LRRC7: variants seen among roughly 807,000 people sequenced by gnomAD.
The protein encoded by LRRC7 is leucine rich repeat containing 7.
LRRC7 carries 23 observed loss-of-function variants against 175.7 expected under a neutral mutation model. The ratio of observed to expected loss-of-function variants is 0.13; its 90% CI spans 0.09 to 0.19. The LOEUF (loss-of-function observed/expected upper bound fraction) is 0.19, where lower values mean the gene tolerates loss of function less well. LRRC7 is among the 10% of genes least tolerant of loss of function. The probability of loss-of-function intolerance (pLI) is 1.00; values close to 1 mark genes in which losing one functional copy is unlikely to be tolerated. For synonymous variants in LRRC7, 685 were observed against 680.9 expected, an observed-to-expected ratio of 1.01 and a Z score of -0.09; for missense variants, 1,354 against 1,904.7, an observed-to-expected ratio of 0.71 and a Z score of 5.38.
At chr1:69,605,117 G>A (rs1647315185) in intron 1 of LRRC7, among the ~76,000 whole-genome samples, 4 of 152,138 alleles carry the variant, frequency 2.6e-5, no homozygotes, top group Admixed American at 2.0e-4. Context: ...TGTCAGGGGA[G>A]AAATCTTGTG....
At chr1:69,648,020 CT>C (rs996880353) in intron 1 of LRRC7, among the ~76,000 whole-genome samples, 2 of 151,864 alleles carry the variant, frequency 1.3e-5, no homozygotes, top group Non-Finnish European at 2.9e-5. Context: ...TCTAGTAATC[CT>C]TTTTTTCAGA....
At chr1:70,022,998 A>G (rs951634098) in intron 16 of LRRC7, 128 bp from the exon 17 acceptor site, 4 of 1,193,550 alleles carry the variant, frequency 3.4e-6, no homozygotes, top group Non-Finnish European at 4.5e-6. Context: ...TTTAAAACTA[A>G]CTTTATGATC....
At chr1:69,630,914 C>T (rs1652388077) in intron 1 of LRRC7, among the ~76,000 whole-genome samples, 1 of 151,982 alleles carries the variant, frequency 6.6e-6, no homozygotes, top group African/African-American at 2.4e-5. Context: ...GTAAAAATTG[C>T]TTATATAGCC....
At position 70,104,818 on chromosome 1, in the gene LRRC7, A is replaced by T. The variant is rs549944773; in HGVS notation, c.4546-2934A>T. ...GTGTGGAGTGTTGCTAGTTCCTCCC[A>T]GCATTGCAGATATGATGACCTTAAT... is the stretch of plus-strand genomic sequence containing the variant. On this transcript the variant is annotated intron_variant, in intron 25 of 26. Transcript: ENST00000651989. Among the ~76,000 whole-genome samples, 7 of 152,284 alleles carry T rather than the reference A, an allele frequency of 4.6e-5. No individual in the cohort carries two copies. In the South Asian group the frequency reaches 1.4e-3, roughly 32 times the overall value.
chr1:69,973,757 T>G (rs930642928), intron 8 of LRRC7, among the ~76,000 whole-genome samples: 4 of 152,174 alleles, frequency 2.6e-5, no homozygotes, highest in Non-Finnish European at 5.9e-5. Context: ...GGCTAATTTT[T>G]GTATTTTTAG....
intron 7 of LRRC7, among the ~76,000 whole-genome samples, chr1:69,890,352 A>G (rs1439582236): frequency 6.6e-6 from 1 of 152,230 alleles, no homozygotes. Flanking sequence ...TGCATTGTCA[A>G]TGAACAGTAT....
At position 70,039,606 on chromosome 1, in the gene LRRC7, C is replaced by G. The variant is rs2102029953; in HGVS notation, c.3782C>G (p.Thr1261Ser). Reference sequence around the variant, plus strand: ...ACCAGGCCAGTTTCAGCTAGGCCTACTATGGCAGCTCTTTTGGAAAAAATA... The same window carrying G: ...ACCAGGCCAGTTTCAGCTAGGCCTAGTATGGCAGCTCTTTTGGAAAAAATA... ...SQTRPVSARP[T>S]MAALLEKIPS... Residue 1261 changes from threonine (T) to serine (S), a missense_variant, in exon 21 of 27, where the codon ACT becomes AGT. Thr to Ser is a moderately conservative substitution (Grantham distance 58, BLOSUM62 1). Around this residue, in one of 4 missense-constraint regions of LRRC7, gnomAD observed 1,032 missense variants for 1,227.2 expected, o/e 0.84. Transcript: ENST00000651989. 2 of 1,614,096 alleles carry G rather than the reference C, an allele frequency of 1.2e-6. No homozygotes were observed. The highest frequency in any genetic ancestry group is 2.2e-5 in the East Asian group (1 of 44,828).
At chr1:69,815,952 ATTTATTTATT>A (rs928074895) in intron 4 of LRRC7, among the ~76,000 whole-genome samples, 3 of 39,706 alleles carry the variant, frequency 7.6e-5, no homozygotes, top group African/African-American at 1.8e-4. Flanking sequence ...TAGAACCTTT[ATTTATTTATT>A]TATTTATTTA....
intron 18 of LRRC7, among the ~76,000 whole-genome samples, chr1:70,029,442 C>G (rs769973782): frequency 2.6e-5 from 4 of 151,998 alleles, no homozygotes; most frequent in Non-Finnish European, 5.9e-5. Context: ...GCACATCTGC[C>G]AGCAGAGGTA....
At chr1:70,084,466 G>A (rs1334936968) in intron 24 of LRRC7, among the ~76,000 whole-genome samples, 1 of 152,098 alleles carries the variant, frequency 6.6e-6, no homozygotes, top group African/African-American at 2.4e-5. Flanking sequence ...ACTGAATGTA[G>A]CATGTATCAG....
chr1:69,808,004 T>A (rs2101125973), intron 4 of LRRC7, among the ~76,000 whole-genome samples: 1 of 151,920 alleles, frequency 6.6e-6, no homozygotes, highest in Middle Eastern at 3.4e-3. Flanking sequence ...TTCTTTTCAT[T>A]CTTTTTTCTC....
intron 1 of LRRC7, among the ~76,000 whole-genome samples, chr1:69,669,059 T>C (rs940096762): frequency 6.6e-6 from 1 of 152,230 alleles, no homozygotes; most frequent in African/African-American, 2.4e-5. Context: ...TATGGTTTTT[T>C]TCATTGGTCC....
chr1:69,981,121 A>C (rs1043657520), intron 9 of LRRC7, among the ~76,000 whole-genome samples: 10 of 151,758 alleles, frequency 6.6e-5, no homozygotes, highest in Non-Finnish European at 1.5e-4. Flanking sequence ...GCATACACAC[A>C]CACACACCAA....
chr1:69,750,792 G>T (rs533799186), intron 2 of LRRC7, among the ~76,000 whole-genome samples: 1 of 152,140 alleles, frequency 6.6e-6, no homozygotes, highest in South Asian at 2.1e-4. Context: ...TAGCCCTTTT[G>T]TAAGGCATTA....
At chr1:69,592,772 C>T (rs1202359797) in intron 1 of LRRC7, among the ~76,000 whole-genome samples, 1 of 151,982 alleles carries the variant, frequency 6.6e-6, no homozygotes, top group Non-Finnish European at 1.5e-5. Flanking sequence ...TTAAGCTTCA[C>T]AACATATCTG....
intron 10 of LRRC7, 47 bp downstream of exon 10, chr1:69,986,433 T>A (rs1009363644): frequency 6.5e-7 from 1 of 1,541,172 alleles, no homozygotes. Flanking sequence ...AAATATACCA[T>A]TTTCTTTTTT....
At chr1:69,855,316 G>A (rs1007435177) in intron 7 of LRRC7, among the ~76,000 whole-genome samples, 3 of 152,112 alleles carry the variant, frequency 2.0e-5, no homozygotes, top group Admixed American at 2.0e-4. Flanking sequence ...AGAGATTGTG[G>A]TATGTTGTGT....
At chr1:70,009,446 C>A (rs556390011) in intron 11 of LRRC7, among the ~76,000 whole-genome samples, 15 of 147,744 alleles carry the variant, frequency 1.0e-4, no homozygotes, top group Middle Eastern at 3.6e-3. Context: ...CACAGAGTAA[C>A]ACAGTTATGT....
Position 69,568,737 on chromosome 1 carries a change from C to A in LRRC7, c.2+96C>A, listed in dbSNP as rs1645603687. ...GAGGTGTGGGACCCCAGAGGCCGGC[C>A]GGGGGCGGGGGTGGCAGGGCGGGAG... On this transcript the variant is annotated intron_variant, in intron 1 of 26. Coordinates refer to ENST00000651989, the MANE Select transcript of LRRC7 (RefSeq NM_001370785.2). 14 of 349,178 alleles carry A rather than the reference C, an allele frequency of 4.0e-5. 1 individual carries two copies. Among genetic ancestry groups the A allele is most frequent in the Non-Finnish European group, 5.5e-5 (12 of 216,368 alleles). The allele number at this position is 349,178 out of a possible 1,614,324, so 21.6% of individuals were successfully genotyped here.
Sources: allele counts gnomAD v4.1 joint callset (sites outside exome capture counted in the v4.1 genomes callset), GRCh38; gene constraint gnomAD v4.1.1; regional missense constraint gnomAD v4.1.1; transcripts MANE v1.5; gene names NCBI Gene and HGNC (gene_info 2026-07-23, HGNC 2026-07-21).